ANXA8: variants seen among roughly 807,000 people sequenced by gnomAD.
The protein encoded by ANXA8 is VAC-beta.
ANXA8 carries 9 observed loss-of-function variants against 26.8 expected under a neutral mutation model. The observed-to-expected ratio is 0.34, with a 90% CI of 0.20 to 0.59. The LOEUF is 0.59. ANXA8 is among the 20% of genes least tolerant of loss of function. The pLI, the probability that ANXA8 is intolerant of heterozygous loss-of-function variation, is 0.84. For missense variants in ANXA8, 83 were observed against 238.5 expected (o/e 0.35, Z 4.29); for synonymous variants, 39 against 94.8 (o/e 0.41, Z 3.42).
the ANXA8 span, among the ~76,000 whole-genome samples, chr10:47,957,189 A>G: frequency 6.7e-6 from 1 of 150,086 alleles, no homozygotes; most frequent in Non-Finnish European, 1.5e-5. Flanking sequence ...CGATTCTGAC[A>G]TGAACTTCCT....
the ANXA8 span, chr10:47,502,656 A>T: frequency 6.2e-7 from 1 of 1,608,006 alleles, no homozygotes; most frequent in South Asian, 1.1e-5. Flanking sequence ...CCAAGTTCAA[A>T]CTGGCCCACT....
chr10:47,913,936 T>C, the ANXA8 span, among the ~76,000 whole-genome samples: 1 of 23,022 alleles, frequency 4.3e-5, no homozygotes, highest in African/African-American at 2.1e-4. Context: ...GAATCTTCTT[T>C]TTTTTTTTTT....
At chr10:47,932,420 T>C in the ANXA8 span, among the ~76,000 whole-genome samples, 3 of 150,926 alleles carry the variant, frequency 2.0e-5, no homozygotes, top group East Asian at 5.8e-4. Flanking sequence ...TATCGGCTCA[T>C]GGAATGGGGC....
At chr10:47,707,458 C>T in the ANXA8 span, among the ~76,000 whole-genome samples, 1 of 143,430 alleles carries the variant, frequency 7.0e-6, no homozygotes, top group Admixed American at 7.1e-5. Context: ...CTGATCATAG[C>T]TCACTGCAGC....
chr10:47,740,004 A>G, the ANXA8 span, among the ~76,000 whole-genome samples: 2 of 45,400 alleles, frequency 4.4e-5, no homozygotes, highest in African/African-American at 1.2e-4. Flanking sequence ...AGGCAGGAAG[A>G]TCACTTGAGC....
the ANXA8 span, among the ~76,000 whole-genome samples, chr10:47,493,633 C>T: frequency 6.6e-6 from 1 of 151,074 alleles, no homozygotes; most frequent in African/African-American, 2.5e-5. Flanking sequence ...CTCACCAGAC[C>T]CAGACAGCCT....
At chr10:47,647,628 C>G in the ANXA8 span, among the ~76,000 whole-genome samples, 1 of 148,740 alleles carries the variant, frequency 6.7e-6, no homozygotes, top group Admixed American at 6.7e-5. Flanking sequence ...AATGATGGGA[C>G]CAGGGTAATA....
chr10:47,624,111 A>G, the ANXA8 span, among the ~76,000 whole-genome samples: 30 of 103,952 alleles, frequency 2.9e-4, 4 homozygotes, highest in Middle Eastern at 9.1e-3. Context: ...GCATGGTGGC[A>G]GGCGCCTGTA....
the ANXA8 span, among the ~76,000 whole-genome samples, chr10:47,982,080 G>A: frequency 6.6e-6 from 1 of 151,080 alleles, no homozygotes; most frequent in Non-Finnish European, 1.5e-5. Context: ...CTTGAGCCCA[G>A]AGTTTGAGAT....
chr10:47,537,428 G>T, the ANXA8 span, among the ~76,000 whole-genome samples: 2 of 151,500 alleles, frequency 1.3e-5, no homozygotes, highest in African/African-American at 4.9e-5. Context: ...ATTATGCTTA[G>T]GCTGAGGCAT....
chr10:47,660,798 CACTG>C, the ANXA8 span, among the ~76,000 whole-genome samples: 8 of 140,348 alleles, frequency 5.7e-5, no homozygotes, highest in Admixed American at 5.0e-4. Context: ...TGTCTTTCTC[CACTG>C]ACTGTCAAAA....
At chr10:47,658,128 T>C in the ANXA8 span, among the ~76,000 whole-genome samples, 1 of 152,022 alleles carries the variant, frequency 6.6e-6, no homozygotes, top group East Asian at 1.9e-4. Context: ...CCCAGCACTT[T>C]GGAGGCTGAG....
the ANXA8 span, among the ~76,000 whole-genome samples, chr10:47,664,704 G>A: frequency 2.7e-5 from 4 of 149,616 alleles, no homozygotes; most frequent in Non-Finnish European, 4.4e-5. Flanking sequence ...AGCTGCATTC[G>A]AGCCAGAGGA....
At chr10:47,563,721 CTG>C in the ANXA8 span, 1 of 810,196 alleles carries the variant, frequency 1.2e-6, no homozygotes, top group African/African-American at 1.7e-5. Flanking sequence ...AATGAGAACT[CTG>C]GGGAAATATG....
At chr10:47,497,783 C>G in the ANXA8 span, among the ~76,000 whole-genome samples, 2 of 150,444 alleles carry the variant, frequency 1.3e-5, no homozygotes, top group Non-Finnish European at 3.0e-5. Flanking sequence ...ACTAAACATA[C>G]AAAAATTAGT....
At chr10:47,777,216 C>T in the ANXA8 span, among the ~76,000 whole-genome samples, 1 of 151,726 alleles carries the variant, frequency 6.6e-6, no homozygotes, top group East Asian at 1.9e-4. Flanking sequence ...GTGTCCCCTC[C>T]CCAGGGGAGA....
the ANXA8 span, among the ~76,000 whole-genome samples, chr10:47,658,467 G>A: frequency 2.0e-5 from 3 of 149,190 alleles, no homozygotes; most frequent in Non-Finnish European, 4.4e-5. Flanking sequence ...GGTTTTCATA[G>A]CAATCAACTT....
intron 6 of ANXA8, among the ~76,000 whole-genome samples, 174 bp from the exon 7 acceptor site, chr10:47,475,178 G>T (rs1263372929): frequency 6.8e-6 from 1 of 147,730 alleles, no homozygotes; most frequent in African/African-American, 2.4e-5. Flanking sequence ...TACAATGGGG[G>T]TGGTAAGGAC....
At chr10:47,691,190 G>A in the ANXA8 span, 4 of 1,549,952 alleles carry the variant, frequency 2.6e-6, no homozygotes, top group African/African-American at 4.2e-5. Flanking sequence ...AGCATTTTGG[G>A]CATTTACAGT....
Sources: gnomAD v4.1 joint callset for allele counts (sites outside exome capture counted in the v4.1 genomes callset) on GRCh38, gnomAD v4.1.1 for gene constraint, MANE v1.5 for transcripts, NCBI Gene and HGNC (gene_info 2026-07-23, HGNC 2026-07-21) for gene names.